KIRREL3: variants seen among roughly 807,000 people sequenced by gnomAD.
KIRREL3 encodes the protein kirre like nephrin family adhesion molecule 3, also known as kin of IRRE-like protein 3.
KIRREL3 carries 36 observed loss-of-function variants against 89.7 expected under a neutral mutation model. The ratio of observed to expected loss-of-function variants is 0.40; its 90% CI spans 0.31 to 0.53. The LOEUF (loss-of-function observed/expected upper bound fraction) is 0.53, where lower values mean the gene tolerates loss of function less well. Ranked by LOEUF, KIRREL3 falls within the 20% of genes least tolerant of loss-of-function variation. KIRREL3 has a pLI of 0.49. For missense variants in KIRREL3, 864 were observed against 1,056.6 expected (o/e 0.82, Z 2.53); for synonymous variants, 445 against 441.4 (o/e 1.01, Z -0.10).
chr11:126,765,155 T>C (rs1185207959), intron 1 of KIRREL3, among the ~76,000 whole-genome samples: 1 of 152,182 alleles, frequency 6.6e-6, no homozygotes, highest in African/African-American at 2.4e-5. Flanking sequence ...GAGAAGCCCC[T>C]GATGGTCACC....
rs200250394 is a variant in KIRREL3, at chr11:126,553,275, A to T, written c.133+9560T>A. 1.4e-5 allele frequency among the ~76,000 whole-genome samples: 2 copies of T among 147,210 alleles called. No individual in the cohort carries two copies. The highest frequency in any genetic ancestry group is 1.3e-4 in the Admixed American group (2 of 14,974). On this transcript the variant is annotated intron_variant, in intron 2 of 16. Coordinates refer to ENST00000525144, the MANE Select transcript of KIRREL3 (RefSeq NM_032531.4). The surrounding 1 kb of genome is among the most constrained non-coding windows in gnomAD (Gnocchi z 4.7). ...AATATCTTCTGTTCCATTTTTTTTT[A>T]AATGACACTCTGAGCACTTCTATCT...
rs895406963 is a variant in KIRREL3 at position 126,551,786 on chromosome 11, C to G, written c.133+11049G>C. On this transcript the variant is annotated intron_variant, in intron 2 of 16. Transcript: ENST00000525144. This position sits in a 1 kb window ranked among gnomAD's most constrained non-coding sequence, Gnocchi z 4.9. ...TCAGCCTCCTGAGTAGCTGGGATTA[C>G]AGGCATGCGCCACCATGCCCGACTA... Among the ~76,000 whole-genome samples the G allele has an allele frequency of 1.3e-5, 2 of 151,966 alleles. No homozygotes were observed. The highest frequency in any genetic ancestry group is 1.3e-4 in the Admixed American group (2 of 15,250).
intron 1 of KIRREL3, among the ~76,000 whole-genome samples, chr11:126,858,103 A>C (rs1022785723): frequency 6.6e-6 from 1 of 152,214 alleles, no homozygotes; most frequent in East Asian, 1.9e-4. Context: ...GGCCAGAGAA[A>C]TGTGACTGTG....
intron 1 of KIRREL3, among the ~76,000 whole-genome samples, chr11:126,831,413 G>GTCTATC (rs1943601576): frequency 9.0e-6 from 1 of 111,654 alleles, no homozygotes; most frequent in Non-Finnish European, 1.8e-5. Context: ...CAGTCTCTCT[G>GTCTATC]TCTCTCTCTA....
intron 1 of KIRREL3, among the ~76,000 whole-genome samples, chr11:126,678,117 T>G (rs1324887737): frequency 2.0e-5 from 3 of 152,212 alleles, no homozygotes; most frequent in Non-Finnish European, 4.4e-5. Context: ...ACAAGATAGA[T>G]GGCAGCTTTC....
At chr11:126,751,231 G>A (rs1011586769) in intron 1 of KIRREL3, among the ~76,000 whole-genome samples, 1 of 152,194 alleles carries the variant, frequency 6.6e-6, no homozygotes, top group Non-Finnish European at 1.5e-5. Flanking sequence ...GAAGCAAGCT[G>A]TCTTATTCTG....
rs1949915303 is a variant in KIRREL3, at chr11:126,768,402, G to A, written c.56-205490C>T. Among the ~76,000 whole-genome samples, 2 of 152,194 alleles carry A rather than the reference G, an allele frequency of 1.3e-5. No individual in the cohort carries two copies. Among genetic ancestry groups the A allele is most frequent in the African/African-American group, 4.8e-5 (2 of 41,456 alleles). On this transcript the variant is annotated intron_variant, in intron 1 of 16. Coordinates refer to ENST00000525144, the MANE Select transcript of KIRREL3 (RefSeq NM_032531.4). The surrounding 1 kb of genome is among the most constrained non-coding windows in gnomAD (Gnocchi z 4.5). ...GCAGGCACTGCATGTCCCAGGTCTG[G>A]AAATGCCTATGAATCAGTCAGGCAG...
At chr11:126,534,964 C>T (rs1031099366) in intron 2 of KIRREL3, among the ~76,000 whole-genome samples, 1 of 152,178 alleles carries the variant, frequency 6.6e-6, no homozygotes, top group Admixed American at 6.5e-5. Flanking sequence ...ACAGCTGGCA[C>T]TGTTGCCAGT....
At position 126,883,547 on chromosome 11, in the gene KIRREL3, C is replaced by T. The variant is rs1338011227; in HGVS notation, c.55+116908G>A. Among the ~76,000 whole-genome samples, 1 of 152,058 alleles carries T rather than the reference C, an allele frequency of 6.6e-6. No homozygotes were observed. The highest frequency in any genetic ancestry group is 1.9e-4 in the East Asian group (1 of 5,178). On this transcript the variant is annotated intron_variant, in intron 1 of 16. Coordinates refer to ENST00000525144, the MANE Select transcript of KIRREL3 (RefSeq NM_032531.4). The surrounding 1 kb of genome is among the most constrained non-coding windows in gnomAD (Gnocchi z 4.1). ...TTCTCCACCTGGAAAAAATCCAAAC[C>T]TTTGATGAAGTTTGGGTAAAGTCAC...
At position 126,563,198 on chromosome 11, in the gene KIRREL3, A is replaced by G. The variant is rs1844144160; in HGVS notation, c.56-286T>C. Among the ~76,000 whole-genome samples the G allele has an allele frequency of 6.6e-6, 1 of 152,200 alleles. No homozygotes were observed. Among genetic ancestry groups the G allele is most frequent in the South Asian group, 2.1e-4 (1 of 4,828 alleles). ...CTGGATGAAAGAGCTAGCAGGTGGT[A>G]AAGCCAGAGCTTTGAACCTAGGCAG... is the stretch of plus-strand genomic sequence containing the variant. On this transcript the variant is annotated intron_variant, in intron 1 of 16. Transcript: ENST00000525144. This position sits in a 1 kb window ranked among gnomAD's most constrained non-coding sequence, Gnocchi z 6.8.
intron 1 of KIRREL3, among the ~76,000 whole-genome samples, chr11:126,925,174 T>C (rs1947658100): frequency 6.6e-6 from 1 of 151,398 alleles, no homozygotes; most frequent in Non-Finnish European, 1.5e-5. Flanking sequence ...TGCTCTGCTA[T>C]GTCTCCACCT....
In KIRREL3 at chr11:126,946,811, A is replaced by G. The variant is rs1379756742; in HGVS notation, c.55+53644T>C. Among the ~76,000 whole-genome samples the G allele has an allele frequency of 1.3e-5, 2 of 152,218 alleles. No individual in the cohort carries two copies. Among genetic ancestry groups the G allele is most frequent in the East Asian group, 1.9e-4 (1 of 5,196 alleles). The stretch of plus-strand genomic sequence containing the variant: ...TTTTGTTGCAATTTATCTTCACGAA[A>G]CAACCATATAAGTAGATATCATTGT... On this transcript the variant is annotated intron_variant, in intron 1 of 16. Coordinates refer to ENST00000525144, the MANE Select transcript of KIRREL3 (RefSeq NM_032531.4). This position sits in a 1 kb window ranked among gnomAD's most constrained non-coding sequence, Gnocchi z 4.1.
Position 126,912,742 on chromosome 11 carries a change from C to T in KIRREL3, c.55+87713G>A, listed in dbSNP as rs1357820616. Among the ~76,000 whole-genome samples the T allele has an allele frequency of 6.6e-6, 1 of 152,240 alleles. No homozygotes were observed. The highest frequency in any genetic ancestry group is 2.4e-5 in the African/African-American group (1 of 41,464). The stretch of plus-strand genomic sequence containing the variant: ...ACAACAGAGCATCCTGCTGTATCAG[C>T]CTAATTACCAGCCTCTCCTTCCATT... On this transcript the variant is annotated intron_variant, in intron 1 of 16. Coordinates refer to ENST00000525144, the MANE Select transcript of KIRREL3 (RefSeq NM_032531.4). The surrounding 1 kb of genome is among the most constrained non-coding windows in gnomAD (Gnocchi z 4.7).
In KIRREL3 at chr11:126,441,374, G is replaced by A. The variant is rs961070086; in HGVS notation, c.1253-825C>T. ...GGTGGAGGGGAGCCTGTTCCCCAGC[G>A]CCTCCTGTCCAGTTCCGCCTGTTAC... On this transcript the variant is annotated intron_variant, in intron 10 of 16. Transcript: ENST00000525144. The surrounding 1 kb of genome is among the most constrained non-coding windows in gnomAD (Gnocchi z 5.0). 6.6e-6 allele frequency among the ~76,000 whole-genome samples: 1 copy of A among 152,226 alleles called. No homozygotes were observed. Among genetic ancestry groups the A allele is most frequent in the African/African-American group, 2.4e-5 (1 of 41,454 alleles).
rs77363685 is a variant in KIRREL3, at chr11:126,486,122, T to G, written c.434-12656A>C. On this transcript the variant is annotated intron_variant, in intron 4 of 16. Transcript: ENST00000525144. The surrounding 1 kb of genome is among the most constrained non-coding windows in gnomAD (Gnocchi z 6.2). Reference sequence around the variant, plus strand: ...GTAGGGATGTAAGTCTCAGGCTGTATGCAGAGTGGAGGAAGGGAGGTGGGT... The same window carrying G: ...GTAGGGATGTAAGTCTCAGGCTGTAGGCAGAGTGGAGGAAGGGAGGTGGGT... Among the ~76,000 whole-genome samples, 4 of 152,330 alleles carry G rather than the reference T, an allele frequency of 2.6e-5. No individual in the cohort carries two copies. The East Asian group carries it at 7.7e-4, about 29-fold the overall frequency.
chr11:126,836,022 A>T lies in KIRREL3; in HGVS notation c.55+164433T>A, dbSNP rs764030996. On this transcript the variant is annotated intron_variant, in intron 1 of 16. Coordinates refer to ENST00000525144, the MANE Select transcript of KIRREL3 (RefSeq NM_032531.4). ...TGTTACACATTGATACCAGGAAAGT[A>T]ACATGTCCTGACTCCAGGGGAAGAA... Among the ~76,000 whole-genome samples the T allele has an allele frequency of 9.3e-4, 141 of 152,220 alleles. 1 individual carries two copies. Among genetic ancestry groups the T allele is most frequent in the Non-Finnish European group, 3.1e-4 (21 of 68,048 alleles).
rs142677835 is a variant in KIRREL3 at position 126,573,127 on chromosome 11, G to A, written c.56-10215C>T. Among the ~76,000 whole-genome samples, 45 of 152,314 alleles carry A rather than the reference G, an allele frequency of 3.0e-4. No homozygotes were observed. In the South Asian group the frequency reaches 4.3e-3, roughly 15 times the overall value. On this transcript the variant is annotated intron_variant, in intron 1 of 16. Coordinates refer to ENST00000525144, the MANE Select transcript of KIRREL3 (RefSeq NM_032531.4). ...CCCTCCACATTCTGGGTGGAAAAGCGGCACAGGAGGGAGGCCAGGGGACAG... is the reference window on the plus strand; with the variant it reads ...CCCTCCACATTCTGGGTGGAAAAGCAGCACAGGAGGGAGGCCAGGGGACAG...
chr11:126,596,311 G>A (rs577061737), intron 1 of KIRREL3, among the ~76,000 whole-genome samples: 5 of 152,302 alleles, frequency 3.3e-5, no homozygotes, highest in East Asian at 3.9e-4. Flanking sequence ...TCAAACAAAC[G>A]TAAGTGAAAG....
At position 126,555,454 on chromosome 11, in the gene KIRREL3, CT is replaced by C. The variant is rs1224801295; in HGVS notation, c.133+7380del. Reference sequence around the variant, plus strand: ...ATGTGACACAGGAACTGGATCTTGACTGAGGAGGGATGGGTCAGTGGAGGCA... The same window carrying C: ...ATGTGACACAGGAACTGGATCTTGACGAGGAGGGATGGGTCAGTGGAGGCA... On this transcript the variant is annotated intron_variant, in intron 2 of 16. Transcript: ENST00000525144. This position sits in a 1 kb window ranked among gnomAD's most constrained non-coding sequence, Gnocchi z 4.2. 6.6e-6 allele frequency among the ~76,000 whole-genome samples: 1 copy of C among 152,172 alleles called. No individual in the cohort carries two copies. Among genetic ancestry groups the C allele is most frequent in the Non-Finnish European group, 1.5e-5 (1 of 68,024 alleles).
Sources: gnomAD v4.1 joint callset for allele counts (sites outside exome capture counted in the v4.1 genomes callset) on GRCh38, gnomAD v4.1.1 for gene constraint, Gnocchi (gnomAD v3.1) non-coding constraint, MANE v1.5 for transcripts, NCBI Gene and HGNC (gene_info 2026-07-23, HGNC 2026-07-21) for gene names.